Variants in EAF2 observed in about 807,000 individuals in gnomAD.
EAF2 encodes ELL associated factor 2, also known as ELL-associated factor 2.
A neutral mutation model predicts 29.4 loss-of-function variants in EAF2; 29 were observed. That is an observed-to-expected ratio of 0.99 (90% CI 0.73 to 1.35). The LOEUF (loss-of-function observed/expected upper bound fraction) is 1.35. EAF2 is among the 40% of genes most tolerant of loss of function. The pLI is 0.00. For missense variants in EAF2, 292 were observed against 312.0 expected (o/e 0.94, Z 0.48); for synonymous variants, 103 against 102.5 (o/e 1.00, Z -0.03).
Position 121,854,799 on chromosome 3 carries a change from G to A in EAF2, c.314G>A (p.Ser105Asn). The change falls in exon 3 of 6, where the codon AGC becomes AAC. Residue 105 changes from serine (S) to asparagine (N), a missense_variant. Transcript: ENST00000273668. ...GAATGTCGGCTAGAAAAACTCAGCA[G>A]CAACATCACTGTAAAAAAAACAAGG... ...TGECRLEKLS[S>N]NITVKKTRVE... The A allele has an allele frequency of 1.3e-6, 2 of 1,567,852 alleles. No homozygotes were observed. Among genetic ancestry groups the A allele is most frequent in the Admixed American group, 2.2e-5 (1 of 45,820 alleles).
At chr3:121,878,407 A>T (rs534216739) in intron 5 of EAF2, among the ~76,000 whole-genome samples, 1 of 152,292 alleles carries the variant, frequency 6.6e-6, no homozygotes, top group African/African-American at 2.4e-5. Flanking sequence ...GGGGGTTAAG[A>T]ACATTTCAAA....
At chr3:121,857,859 A>T (rs1458347204) in intron 4 of EAF2, among the ~76,000 whole-genome samples, 15 of 151,242 alleles carry the variant, frequency 9.9e-5, no homozygotes, top group Non-Finnish European at 2.1e-4. Flanking sequence ...TGTGTGATGG[A>T]CACCCTGTGT....
At chr3:121,864,407 GC>G (rs1216528403) in intron 4 of EAF2, among the ~76,000 whole-genome samples, 3 of 152,024 alleles carry the variant, frequency 2.0e-5, no homozygotes, top group African/African-American at 7.2e-5. Context: ...TTTACATCAT[GC>G]CTGCTTCCAA....
intron 4 of EAF2, among the ~76,000 whole-genome samples, chr3:121,868,803 T>C (rs1244688463): frequency 6.6e-6 from 1 of 152,188 alleles, no homozygotes; most frequent in Non-Finnish European, 1.5e-5. Flanking sequence ...TCTCAGCAAC[T>C]AATAGAACTA....
chr3:121,882,315 C>T (rs909734282), intron 5 of EAF2, among the ~76,000 whole-genome samples: 1 of 149,856 alleles, frequency 6.7e-6, no homozygotes, highest in African/African-American at 2.5e-5. Context: ...TGTCACTGCA[C>T]TCCAGCCTGA....
At chr3:121,879,372 A>G (rs1043688948) in intron 5 of EAF2, among the ~76,000 whole-genome samples, 8 of 152,098 alleles carry the variant, frequency 5.3e-5, no homozygotes, top group Admixed American at 1.3e-4. Context: ...TTTGTTGTGC[A>G]GAAGCTTTTT....
At position 121,876,279 on chromosome 3, in the gene EAF2, GA is replaced by G. The variant is rs574199824; in HGVS notation, c.736+3493del. Among the ~76,000 whole-genome samples, 153 of 151,952 alleles carry G rather than the reference GA, an allele frequency of 1.0e-3. 2 individuals carry two copies. The East Asian group carries it at 0.017, about 17-fold the overall frequency. ...TGTTGAAGGAATATAATTCTACCTA[GA>G]ATTTTATACCCAAACACAATGTCAT... On this transcript the variant is annotated intron_variant, in intron 5 of 5. Transcript: ENST00000273668.
chr3:121,844,156 A>C (rs976912148), intron 1 of EAF2, among the ~76,000 whole-genome samples: 1 of 151,204 alleles, frequency 6.6e-6, no homozygotes, highest in Non-Finnish European at 1.5e-5. Flanking sequence ...GACATTATTT[A>C]GTTTTTAGCA....
At chr3:121,835,612 C>T (rs145985505) in intron 1 of EAF2, among the ~76,000 whole-genome samples, 112 of 152,096 alleles carry the variant, frequency 7.4e-4, no homozygotes, top group African/African-American at 2.4e-3. Context: ...GGACAGAGAG[C>T]GTTGAGACCA....
chr3:121,840,083 T>C (rs1413221997), intron 1 of EAF2, among the ~76,000 whole-genome samples: 1 of 149,708 alleles, frequency 6.7e-6, no homozygotes, highest in Non-Finnish European at 1.5e-5. Flanking sequence ...TCCAGCTTCT[T>C]GGAAGGCTGA....
rs114989547 is a variant in EAF2 at position 121,838,339 on chromosome 3, A to G, written c.106+2948A>G. Among the ~76,000 whole-genome samples, 890 of 152,310 alleles carry G rather than the reference A, an allele frequency of 5.8e-3. 9 individuals are homozygous for G. The highest frequency in any genetic ancestry group is 0.02 in the African/African-American group (838 of 41,580). On this transcript the variant is annotated intron_variant, in intron 1 of 5. Transcript: ENST00000273668. Reference sequence around the variant, plus strand: ...GAAATGAACTATTTAGTCTGGAATCATAGCAACTTGGAAGAGAATATGTTT... The same window carrying G: ...GAAATGAACTATTTAGTCTGGAATCGTAGCAACTTGGAAGAGAATATGTTT...
intron 1 of EAF2, among the ~76,000 whole-genome samples, chr3:121,838,141 A>G (rs1166206657): frequency 1.3e-5 from 2 of 152,212 alleles, no homozygotes; most frequent in Non-Finnish European, 2.9e-5. Flanking sequence ...AAAAGCGATA[A>G]ACATTGGCAG....
intron 3 of EAF2, 101 bp from the exon 4 acceptor site, chr3:121,856,910 T>C (rs1233249304): frequency 1.1e-6 from 1 of 924,530 alleles, no homozygotes; most frequent in Non-Finnish European, 1.6e-6. Context: ...TCTAAAGATG[T>C]TTAGGAAAAG....
chr3:121,844,646 A>G lies in EAF2; in HGVS notation c.201+99A>G, dbSNP rs1413612634. 2.2e-5 allele frequency: 17 copies of G among 776,696 alleles called. 1 individual carries two copies. In the Admixed American group the frequency reaches 4.7e-4, roughly 22 times the overall value. 48.1% of individuals were successfully genotyped at this position (776,696 alleles called of 1,614,324 possible). ...AATTTGTGTAGTGATAATTGGTTAA[A>G]GTAATTAGTAAGCACAGATAAGCAA... On this transcript the variant is annotated intron_variant, in intron 2 of 5. Transcript: ENST00000273668.
At chr3:121,847,809 A>G (rs1708555342) in intron 2 of EAF2, among the ~76,000 whole-genome samples, 1 of 152,158 alleles carries the variant, frequency 6.6e-6, no homozygotes, top group Non-Finnish European at 1.5e-5. Flanking sequence ...CAGTCCCTTT[A>G]TGAATGTCCT....
At chr3:121,882,919 C>A (rs553379362) in intron 5 of EAF2, among the ~76,000 whole-genome samples, 13 of 151,784 alleles carry the variant, frequency 8.6e-5, no homozygotes, top group Middle Eastern at 3.4e-3. Context: ...AGACCCAACA[C>A]CCCCTTTTGT....
At chr3:121,868,892 C>T (rs1185596742) in intron 4 of EAF2, among the ~76,000 whole-genome samples, 1 of 152,178 alleles carries the variant, frequency 6.6e-6, no homozygotes, top group Non-Finnish European at 1.5e-5. Flanking sequence ...AGATATGTAA[C>T]ATGCCACACA....
intron 4 of EAF2, among the ~76,000 whole-genome samples, chr3:121,868,425 C>T (rs111764746): frequency 0.035 from 5,273 of 152,056 alleles, 316 homozygotes; most frequent in African/African-American, 0.12. Flanking sequence ...GTGGTGAAAC[C>T]CCATCCCTAC....
At chr3:121,870,036 T>C (rs1003503111) in intron 4 of EAF2, among the ~76,000 whole-genome samples, 10 of 152,046 alleles carry the variant, frequency 6.6e-5, no homozygotes, top group African/African-American at 2.2e-4. Flanking sequence ...ATTAAATAAA[T>C]TAAATTAGTA....
Sources: allele counts gnomAD v4.1 joint callset (sites outside exome capture counted in the v4.1 genomes callset), GRCh38; gene constraint gnomAD v4.1.1; transcripts MANE v1.5; gene names NCBI Gene and HGNC (gene_info 2026-07-23, HGNC 2026-07-21).